LYST: variants seen among roughly 807,000 people sequenced by gnomAD.
LYST encodes the protein lysosomal-trafficking regulator.
In LYST, 192 loss-of-function variants were observed where a neutral mutation model predicts 413.6. The observed-to-expected ratio is 0.46, with a 90% CI of 0.41 to 0.52. The LOEUF is 0.52. Among genes scored for constraint, LYST ranks in the 20% least tolerant of loss-of-function variants. The probability of loss-of-function intolerance (pLI) is 0.00; values close to 1 mark genes in which losing one functional copy is unlikely to be tolerated. For missense variants in LYST, 3,815 were observed against 4,499.9 expected, an observed-to-expected ratio of 0.85 and a Z score of 4.35; for synonymous variants, 1,525 against 1,567.3, an observed-to-expected ratio of 0.97 and a Z score of 0.64.
rs1345433611 is a variant in LYST at position 235,793,599 on chromosome 1, T to C, written c.4020A>G (p.Val1340=). 2.0e-5 allele frequency: 32 copies of C among 1,577,792 alleles called. No individual in the cohort carries two copies. The highest frequency in any genetic ancestry group is 1.2e-4 in the South Asian group (11 of 89,726). ...DDSDFQACQR[V]LVDLLVSLMS... is the part of the protein sequence containing the mutation. ...TCAAAGATACCAAAAGATCCACCAA[T>C]ACTCTCTGGCATGCTAAATTAAAGA... Residue 1340 remains valine, a synonymous_variant, in exon 11 of 53, where the codon GTA becomes GTG. Coordinates refer to ENST00000389793, the MANE Select transcript of LYST (RefSeq NM_000081.4).
chr1:235,708,863 A>G (rs995528510), intron 44 of LYST, among the ~76,000 whole-genome samples: 4 of 152,186 alleles, frequency 2.6e-5, no homozygotes, highest in African/African-American at 9.6e-5. Context: ...AAGTCCACCT[A>G]GTGAATCATC....
intron 1 of LYST, among the ~76,000 whole-genome samples, chr1:235,845,647 G>T (rs980347551): frequency 6.6e-6 from 1 of 151,964 alleles, no homozygotes; most frequent in African/African-American, 2.4e-5. Flanking sequence ...CAGTTAGGGG[G>T]GACACGGTGG....
chr1:235,723,870 G>A (rs1001958215), intron 39 of LYST, among the ~76,000 whole-genome samples, 158 bp downstream of exon 39: 1 of 152,146 alleles, frequency 6.6e-6, no homozygotes, highest in Non-Finnish European at 1.5e-5. Flanking sequence ...GGAGGTCAAA[G>A]ACAATCCTCA....
At chr1:235,745,024 AC>A (rs1471334923) in intron 29 of LYST, among the ~76,000 whole-genome samples, 1 of 152,078 alleles carries the variant, frequency 6.6e-6, no homozygotes, top group Non-Finnish European at 1.5e-5. Context: ...TCCTCGGGTT[AC>A]CTGAACATTT....
At chr1:235,704,287 G>A (rs1661782361) in intron 44 of LYST, among the ~76,000 whole-genome samples, 1 of 152,128 alleles carries the variant, frequency 6.6e-6, no homozygotes, top group Non-Finnish European at 1.5e-5. Flanking sequence ...AGGGATTGCT[G>A]GGTAGAATAG....
chr1:235,678,475 G>A (rs1353925686), intron 48 of LYST, among the ~76,000 whole-genome samples: 6 of 152,190 alleles, frequency 3.9e-5, no homozygotes, highest in East Asian at 1.9e-4. Context: ...GGTGCTCTGA[G>A]GGCCACACTG....
intron 1 of LYST, among the ~76,000 whole-genome samples, chr1:235,881,394 C>G (rs956420818): frequency 6.6e-6 from 1 of 152,182 alleles, no homozygotes; most frequent in Non-Finnish European, 1.5e-5. Context: ...ATTGAAGATG[C>G]ATATTTAACA....
At chr1:235,795,866 A>G (rs1671501823) in intron 10 of LYST, among the ~76,000 whole-genome samples, 1 of 152,162 alleles carries the variant, frequency 6.6e-6, no homozygotes, top group Non-Finnish European at 1.5e-5. Flanking sequence ...GGAAAAAGAG[A>G]TAATTTGGGG....
chr1:235,745,545 A>G (rs560260022), intron 29 of LYST, among the ~76,000 whole-genome samples: 1 of 152,342 alleles, frequency 6.6e-6, no homozygotes, highest in Admixed American at 6.5e-5. Flanking sequence ...TAATTACCGT[A>G]TGACCCAGTA....
chr1:235,882,068 ACT>A (rs1491358250), intron 1 of LYST, among the ~76,000 whole-genome samples: 10 of 142,704 alleles, frequency 7.0e-5, no homozygotes, highest in African/African-American at 2.6e-4. Flanking sequence ...ACACACACAC[ACT>A]CTTTCTTTCA....
Position 235,810,817 on chromosome 1 carries a change from A to G in LYST, c.284-283T>C, listed in dbSNP as rs150221594. ...ATACTTACTCTAAACACTAGCTGAC[A>G]TTACTTCAAAGGATACAAACTGATT... is the stretch of plus-strand genomic sequence containing the variant. On this transcript the variant is annotated intron_variant, in intron 4 of 52. Transcript: ENST00000389793. Among the ~76,000 whole-genome samples the G allele has an allele frequency of 3.3e-3, 499 of 152,340 alleles. 17 individuals are homozygous for G. The East Asian group carries it at 0.08, about 24-fold the overall frequency.
At chr1:235,870,931 T>C (rs1348657793), upstream of LYST, among the ~76,000 whole-genome samples, 1 of 152,246 alleles carries the variant, frequency 6.6e-6, no homozygotes, top group Non-Finnish European at 1.5e-5. Context: ...GAAATGGATT[T>C]GTGAAGTGGT....
Position 235,683,669 on chromosome 1 carries a change from T to C in LYST, c.10800+3280A>G, listed in dbSNP as rs150906747. Reference sequence around the variant, plus strand: ...CAAACAAGGATTTGGCCACATCCTATGTGGCACTTGGTTGGGGGGCCCATC... The same window carrying C: ...CAAACAAGGATTTGGCCACATCCTACGTGGCACTTGGTTGGGGGGCCCATC... On this transcript the variant is annotated intron_variant, in intron 48 of 52. Transcript: ENST00000389793. Among the ~76,000 whole-genome samples, 532 of 152,338 alleles carry C rather than the reference T, an allele frequency of 3.5e-3. 3 individuals carry two copies. The highest frequency in any genetic ancestry group is 0.012 in the African/African-American group (489 of 41,570).
chr1:235,751,420 G>A, intron 27 of LYST, 58 bp from the exon 28 acceptor site: 1 of 1,414,254 alleles, frequency 7.1e-7, no homozygotes, highest in Non-Finnish European at 1.0e-6. Flanking sequence ...TTTTTTAATT[G>A]AACTGATTTT....
At chr1:235,691,375 G>A (rs900129588) in intron 47 of LYST, among the ~76,000 whole-genome samples, 1 of 152,212 alleles carries the variant, frequency 6.6e-6, no homozygotes, top group Admixed American at 6.5e-5. Context: ...AGTATATAAC[G>A]AAGCTGGGAC....
intron 23 of LYST, among the ~76,000 whole-genome samples, chr1:235,758,342 T>C (rs550852070): frequency 5.9e-5 from 9 of 152,304 alleles, no homozygotes; most frequent in African/African-American, 2.2e-4. Context: ...GCCTAGGCAA[T>C]GTCTGTCATA....
intron 14 of LYST, among the ~76,000 whole-genome samples, chr1:235,784,861 A>C (rs74148824): frequency 6.6e-6 from 1 of 152,356 alleles, no homozygotes; most frequent in African/African-American, 2.4e-5. Context: ...CATGGCAGCT[A>C]TGAAGATCGA....
intron 2 of LYST, 22 bp downstream of exon 2, chr1:235,833,556 A>G (rs1192729219): frequency 1.8e-6 from 1 of 563,972 alleles, no homozygotes; most frequent in Non-Finnish European, 2.2e-6. Context: ...GATGGTTAAT[A>G]TTTATTACAT....
At chr1:235,851,589 CA>C (rs889619839) in intron 1 of LYST, among the ~76,000 whole-genome samples, 3 of 150,682 alleles carry the variant, frequency 2.0e-5, no homozygotes, top group African/African-American at 4.9e-5. Flanking sequence ...GGTTTATTGG[CA>C]AAAAAAGAAT....
Sources: gnomAD v4.1 joint callset for allele counts (sites outside exome capture counted in the v4.1 genomes callset) on GRCh38, gnomAD v4.1.1 for gene constraint, MANE v1.5 for transcripts, NCBI Gene and HGNC (gene_info 2026-07-23, HGNC 2026-07-21) for gene names.